PDCD11: variants seen among roughly 807,000 people sequenced by gnomAD.
PDCD11 encodes programmed cell death 11, also known as protein RRP5 homolog.
A neutral mutation model predicts 198.9 loss-of-function variants in PDCD11; 97 were observed. That is an observed-to-expected ratio of 0.49 (90% CI 0.41 to 0.58). The LOEUF (loss-of-function observed/expected upper bound fraction) is 0.58. Ranked by LOEUF, PDCD11 falls within the 20% of genes least tolerant of loss-of-function variation. The pLI is 0.00. For synonymous variants in PDCD11, 893 were observed against 918.0 expected (o/e 0.97, Z 0.49); for missense variants, 2,102 against 2,312.7 (o/e 0.91, Z 1.87).
chr10:103,415,113 G>C lies in PDCD11; in HGVS notation c.1480G>C (p.Glu494Gln). Residue 494 changes from glutamate (E) to glutamine (Q), a missense_variant, in exon 12 of 36, where the codon GAG (glutamate) becomes CAG (glutamine). Physicochemically the swap from Glu to Gln is conservative, Grantham distance 29. Transcript: ENST00000369797. ...HLADILMKNPEKKYHIGDEVK... is the reference protein window; with the variant it reads ...HLADILMKNPQKKYHIGDEVK... ...GGCTGACATCCTGATGAAGAATCCG[G>C]AGAAGAAGTACCACATCGGGGATGA... 6.2e-7 allele frequency: 1 copy of C among 1,614,178 alleles called. No individual in the cohort carries two copies. Among genetic ancestry groups the C allele is most frequent in the Non-Finnish European group, 8.5e-7 (1 of 1,180,044 alleles).
chr10:103,413,377 G>T, intron 9 of PDCD11, 55 bp downstream of exon 9: 5 of 1,401,708 alleles, frequency 3.6e-6, no homozygotes, highest in Non-Finnish European at 4.0e-6. Context: ...GACTTCTGGA[G>T]CACAGGGGGC....
chr10:103,444,756 C>T, intron 35 of PDCD11, 74 bp downstream of exon 35: 1 of 1,373,518 alleles, frequency 7.3e-7, no homozygotes, highest in Non-Finnish European at 1.0e-6. Context: ...CAGCAGCTCT[C>T]AGCATCCCAG....
rs756674031 is a variant in PDCD11, at chr10:103,413,125, T to C, written c.988T>C (p.Cys330Arg). The change falls in exon 9 of 36, where the codon TGC becomes CGC. Residue 330 changes from cysteine to arginine, a missense_variant. Transcript: ENST00000369797. ...CCTTCCTTTTGTCTAGGTGAGGGCC[T>C]GCATCCTTTGCGTCCATCCTCGAAC... is the stretch of plus-strand genomic sequence containing the variant. ...TYFSNQAVRA[C>R]ILCVHPRTRV... 1.9e-6 allele frequency: 3 copies of C among 1,614,020 alleles called. No homozygotes were observed. In the Admixed American group the frequency reaches 5.0e-5, roughly 27 times the overall value.
chr10:103,423,177 A>G, intron 18 of PDCD11, 40 bp downstream of exon 18: 1 of 1,498,328 alleles, frequency 6.7e-7, no homozygotes, highest in African/African-American at 1.4e-5. Context: ...TGGTGGGAGG[A>G]CCCTTTGTCC....
chr10:103,441,710 G>C, intron 30 of PDCD11, 116 bp from the exon 31 acceptor site: 1 of 893,332 alleles, frequency 1.1e-6, no homozygotes, highest in Non-Finnish European at 1.8e-6. Context: ...GAGAGGAGAG[G>C]AGAGGAGGGG....
intron 22 of PDCD11, 117 bp downstream of exon 22, chr10:103,432,351 G>A (rs548928249): frequency 2.8e-6 from 2 of 724,054 alleles, no homozygotes; most frequent in Non-Finnish European, 4.8e-6. Context: ...CTACCATGCT[G>A]GGTTTGTGGG....
chr10:103,413,010 A>G, intron 8 of PDCD11, 106 bp from the exon 9 acceptor site: 1 of 799,824 alleles, frequency 1.3e-6, no homozygotes, highest in Non-Finnish European at 2.2e-6. Flanking sequence ...GGATGTGAGT[A>G]CTCACATACC....
At chr10:103,430,034 A>C (rs2031863006) in intron 21 of PDCD11, among the ~76,000 whole-genome samples, 1 of 152,124 alleles carries the variant, frequency 6.6e-6, no homozygotes, top group Non-Finnish European at 1.5e-5. Flanking sequence ...TCTGTCACCC[A>C]GGCTGGAGTG....
chr10:103,424,908 C>A (rs2031615066), intron 19 of PDCD11, 76 bp from the exon 20 acceptor site: 1 of 1,540,602 alleles, frequency 6.5e-7, no homozygotes. Flanking sequence ...CTCAGCCACA[C>A]CCTGCCCAGT....
At chr10:103,430,137 C>T (rs773923286) in intron 21 of PDCD11, among the ~76,000 whole-genome samples, 4 of 152,094 alleles carry the variant, frequency 2.6e-5, no homozygotes, top group Non-Finnish European at 4.4e-5. Context: ...GCTACAGGCA[C>T]GCACCAACAT....
At position 103,423,652 on chromosome 10, in the gene PDCD11, T is replaced by G; in HGVS notation, c.2757T>G (p.Ala919=). 1 of 1,601,152 alleles carries G rather than the reference T, an allele frequency of 6.2e-7. No individual in the cohort carries two copies. The highest frequency in any genetic ancestry group is 2.2e-5 in the East Asian group (1 of 44,826). Residue 919 remains alanine (A), a synonymous_variant, in exon 19 of 36, where the codon GCT becomes GCG. Coordinates refer to ENST00000369797, the MANE Select transcript of PDCD11 (RefSeq NM_014976.2). ...ACCAGGACTTGGTGAATAGAAAAGC[T>G]AGAAAGGTAAGCTTGCTCCTGACTT... ...SLHQDLVNRK[A]RKLRKGSEHQ... is the part of the protein sequence containing the mutation.
chr10:103,422,460 C>G (rs1021169185), intron 17 of PDCD11, among the ~76,000 whole-genome samples: 2 of 150,884 alleles, frequency 1.3e-5, no homozygotes, highest in African/African-American at 4.9e-5. Context: ...TACGAGCATC[C>G]TAGATGTCCT....
At position 103,432,159 on chromosome 10, in the gene PDCD11, C is replaced by T. The variant is rs747298029; in HGVS notation, c.3399C>T (p.Asn1133=). ...TGGAGGATGGCCACACTGCTCTTAA[C>T]ACTCACTCTGTTAGCCCCATGGAGA... ...SELEDGHTAL[N]THSVSPMEKI... Residue 1133 remains asparagine (N), a synonymous_variant, in exon 22 of 36, where the codon AAC becomes AAT. Coordinates refer to ENST00000369797, the MANE Select transcript of PDCD11 (RefSeq NM_014976.2). The T allele has an allele frequency of 3.1e-6, 5 of 1,613,880 alleles. No individual in the cohort carries two copies. The highest frequency in any genetic ancestry group is 4.2e-6 in the Non-Finnish European group (5 of 1,179,732).
Position 103,442,260 on chromosome 10 carries a change from G to A in PDCD11, c.4755G>A (p.Glu1585=). 1 of 1,614,222 alleles carries A rather than the reference G, an allele frequency of 6.2e-7. No individual in the cohort carries two copies. The highest frequency in any genetic ancestry group is 8.5e-7 in the Non-Finnish European group (1 of 1,180,040). Residue 1585 remains glutamate (E), a synonymous_variant, in exon 32 of 36, where the codon GAG becomes GAA. Transcript: ENST00000369797. ...KERELEKQKA[E]KELSRIEEAL... is the part of the protein sequence containing the mutation. ...GGGAGTTGGAGAAGCAGAAGGCAGA[G>A]AAGGAACTGTCCCGCATTGAGGAGG...
chr10:103,435,577 G>A (rs1244004847), intron 25 of PDCD11, among the ~76,000 whole-genome samples: 2 of 151,636 alleles, frequency 1.3e-5, no homozygotes, highest in Non-Finnish European at 2.9e-5. Flanking sequence ...GTGCAGTGGC[G>A]CGATCTCAGC....
At position 103,406,806 on chromosome 10, in the gene PDCD11, A is replaced by G. The variant is rs201933624; in HGVS notation, c.870+16A>G. The stretch of plus-strand genomic sequence containing the variant: ...GGTACAGAAGGTAAGCTGTTATGCT[A>G]CTACTACTTTTTAAAATAAAAATAA... On this transcript the variant is annotated intron_variant, in intron 7 of 35. Coordinates refer to ENST00000369797, the MANE Select transcript of PDCD11 (RefSeq NM_014976.2). 1.3e-6 allele frequency: 2 copies of G among 1,558,652 alleles called. No homozygotes were observed. The highest frequency in any genetic ancestry group is 1.7e-6 in the Non-Finnish European group (2 of 1,151,412).
rs201094752 is a variant in PDCD11 at position 103,439,882 on chromosome 10, C to T, written c.4148+14C>T. 8.5e-5 allele frequency: 137 copies of T among 1,613,904 alleles called. No individual in the cohort carries two copies. Among genetic ancestry groups the T allele is most frequent in the Non-Finnish European group, 1.0e-4 (119 of 1,179,908 alleles). ...CAGGGTCCTACGGTAGGTGCCTTCC[C>T]GTTCTCTCTCTCTCTGTAATGTGAA... On this transcript the variant is annotated intron_variant, in intron 28 of 35. Transcript: ENST00000369797.
At position 103,398,793 on chromosome 10, in the gene PDCD11, C is replaced by T. The variant is rs555215955; in HGVS notation, c.102+265C>T. Among the ~76,000 whole-genome samples, 41 of 152,190 alleles carry T rather than the reference C, an allele frequency of 2.7e-4. 1 individual carries two copies. In the South Asian group the frequency reaches 7.1e-3, roughly 26 times the overall value. On this transcript the variant is annotated intron_variant, in intron 2 of 35. Transcript: ENST00000369797. Reference sequence around the variant, plus strand: ...CAGCAGTTTGGGAAGCCGAGGCAGGCGGATCACTTGAGGCTAGGAATTCAA... The same window carrying T: ...CAGCAGTTTGGGAAGCCGAGGCAGGTGGATCACTTGAGGCTAGGAATTCAA...
chr10:103,404,763 G>T (rs1428744232), intron 4 of PDCD11, among the ~76,000 whole-genome samples: 1 of 152,222 alleles, frequency 6.6e-6, no homozygotes, highest in Non-Finnish European at 1.5e-5. Context: ...ATGAAGTAGA[G>T]GCAGAAAGTG....
Sources: allele counts gnomAD v4.1 joint callset (sites outside exome capture counted in the v4.1 genomes callset), GRCh38; gene constraint gnomAD v4.1.1; transcripts MANE v1.5; gene names NCBI Gene and HGNC (gene_info 2026-07-23, HGNC 2026-07-21).